The following DMD variants were observed in gnomAD, a reference collection of about 807,000 sequenced individuals.
The protein encoded by DMD is mutant dystrophin.
DMD carries 63 observed loss-of-function variants against 330.1 expected under a neutral mutation model. That is an observed-to-expected ratio of 0.19 (90% confidence interval 0.16 to 0.24). DMD has a LOEUF of 0.24. DMD is among the 10% of genes least tolerant of loss of function. The probability of loss-of-function intolerance (pLI) is 1.00; values close to 1 mark genes in which losing one functional copy is unlikely to be tolerated. For synonymous variants in DMD, 1,223 were observed against 959.8 expected (o/e 1.27, Z -5.07); for missense variants, 3,344 against 2,684.1 (o/e 1.25, Z -5.43).
At chrX:32,395,951 T>G (rs1486749493) in intron 30 of DMD, among the ~76,000 whole-genome samples, 2 of 111,415 alleles carry the variant, frequency 1.8e-5, no homozygotes, top group Non-Finnish European at 1.9e-5. Flanking sequence ...TTATAATTTT[T>G]TTTTTCAAAG....
At chrX:31,613,010 A>C (rs958818890) in intron 55 of DMD, among the ~76,000 whole-genome samples, 2 of 112,167 alleles carry the variant, frequency 1.8e-5, no homozygotes, top group African/African-American at 6.5e-5. Context: ...CCAAGAGTTG[A>C]ATTTTCCAGG....
intron 29 of DMD, among the ~76,000 whole-genome samples, chrX:32,418,376 C>T (rs2098174586): frequency 9.0e-6 from 1 of 111,458 alleles, no homozygotes; most frequent in African/African-American, 3.3e-5. Flanking sequence ...AGATAAAGAA[C>T]TTAAGAAATA....
chrX:33,067,861 A>G (rs1264230534), intron 1 of DMD, among the ~76,000 whole-genome samples: 2 of 111,452 alleles, frequency 1.8e-5, no homozygotes, highest in Non-Finnish European at 3.8e-5. Flanking sequence ...AAGTAAGTAA[A>G]TAAATAAATA....
chrX:32,712,125 T>C (rs965233938), intron 7 of DMD, among the ~76,000 whole-genome samples: 2 of 112,003 alleles, frequency 1.8e-5, no homozygotes, highest in Admixed American at 9.5e-5. Flanking sequence ...CAGTAATGCA[T>C]GTATTCATTT....
intron 1 of DMD, among the ~76,000 whole-genome samples, chrX:33,255,417 A>T (rs2052840695): frequency 9.0e-6 from 1 of 111,336 alleles, no homozygotes; most frequent in Non-Finnish European, 1.9e-5. Context: ...AAGGTACTCC[A>T]GAAATGTTTA....
chrX:31,741,233 C>T (rs1317672970), intron 51 of DMD, among the ~76,000 whole-genome samples: 1 of 111,848 alleles, frequency 8.9e-6, no homozygotes, highest in Non-Finnish European at 1.9e-5. Context: ...GAATTAACTA[C>T]TTCCAAACTC....
At chrX:31,313,041 C>T (rs1444789907) in intron 62 of DMD, among the ~76,000 whole-genome samples, 1 of 105,338 alleles carries the variant, frequency 9.5e-6, no homozygotes, top group African/African-American at 3.5e-5. Context: ...TGTAACAAAC[C>T]TGCACGTTCT....
At chrX:33,174,272 T>A (rs1361216920) in intron 1 of DMD, among the ~76,000 whole-genome samples, 2 of 110,320 alleles carry the variant, frequency 1.8e-5, no homozygotes, top group Non-Finnish European at 3.8e-5. Flanking sequence ...TAAAGGATGG[T>A]GATGAGGAAT....
intron 1 of DMD, among the ~76,000 whole-genome samples, chrX:33,273,360 G>A (rs989569362): frequency 5.3e-5 from 6 of 112,494 alleles, no homozygotes; most frequent in Middle Eastern, 4.7e-3. Flanking sequence ...ATAGTAATCA[G>A]TCAGTGGCAC....
intron 29 of DMD, among the ~76,000 whole-genome samples, chrX:32,424,358 C>A (rs1161080455): frequency 4.5e-5 from 5 of 111,247 alleles, no homozygotes; most frequent in Non-Finnish European, 7.5e-5. Flanking sequence ...CCATTATTAA[C>A]ACACTAAGAA....
intron 60 of DMD, among the ~76,000 whole-genome samples, chrX:31,416,054 G>C (rs1175986645): frequency 1.8e-5 from 2 of 112,238 alleles, no homozygotes; most frequent in Non-Finnish European, 3.8e-5. Context: ...TACAATATCT[G>C]TAATTAATTT....
chrX:33,002,616 A>G (rs1332785903), intron 2 of DMD, among the ~76,000 whole-genome samples: 1 of 110,521 alleles, frequency 9.0e-6, no homozygotes, highest in African/African-American at 3.3e-5. Flanking sequence ...ACTTCTGTGC[A>G]AAGACTGGGC....
intron 44 of DMD, among the ~76,000 whole-genome samples, chrX:32,204,976 A>ATCTCTCTCCCTCTC (rs2097057670): frequency 2.2e-5 from 1 of 45,322 alleles, no homozygotes; most frequent in Non-Finnish European, 4.3e-5. Flanking sequence ...CATCCAAGCC[A>ATCTCTCTCCCTCTC]TCTCTCTCTC....
At chrX:31,842,031 A>T (rs1487731895) in intron 48 of DMD, among the ~76,000 whole-genome samples, 1 of 111,960 alleles carries the variant, frequency 8.9e-6, no homozygotes, top group African/African-American at 3.2e-5. Flanking sequence ...TAAACTGAAA[A>T]TCTTCTGGAA....
At chrX:32,892,499 T>C (rs990623703) in intron 2 of DMD, among the ~76,000 whole-genome samples, 1 of 111,824 alleles carries the variant, frequency 8.9e-6, no homozygotes, top group Non-Finnish European at 1.9e-5. Flanking sequence ...GTTCAAGCGA[T>C]TGTCATGCCT....
At chrX:31,823,765 G>A (rs2092827710) in intron 49 of DMD, among the ~76,000 whole-genome samples, 1 of 110,077 alleles carries the variant, frequency 9.1e-6, no homozygotes, top group African/African-American at 3.3e-5. Flanking sequence ...GTAGAGACGG[G>A]GTTTTGCCAT....
At chrX:33,099,432 C>T (rs1429474190) in intron 1 of DMD, among the ~76,000 whole-genome samples, 2 of 111,011 alleles carry the variant, frequency 1.8e-5, no homozygotes, top group African/African-American at 6.5e-5. Flanking sequence ...TCCCTTAACC[C>T]TACCCACAAC....
chrX:33,286,808 CAGGTGTGGTT>C (rs2053440162), intron 1 of DMD, among the ~76,000 whole-genome samples: 1 of 112,158 alleles, frequency 8.9e-6, no homozygotes, highest in Non-Finnish European at 1.9e-5. Flanking sequence ...TTCTTGCATG[CAGGTGTGGTT>C]ATTTGATTTG....
At chrX:33,026,404 C>T (rs142165990) in intron 1 of DMD, among the ~76,000 whole-genome samples, 3 of 103,374 alleles carry the variant, frequency 2.9e-5, no homozygotes, top group Middle Eastern at 5.3e-3. Context: ...TAAGTTCAGT[C>T]TATTCTCTGC....
Sources: allele counts gnomAD v4.1 joint callset (sites outside exome capture counted in the v4.1 genomes callset), GRCh38; gene constraint gnomAD v4.1.1; transcripts MANE v1.5; gene names NCBI Gene and HGNC (gene_info 2026-07-23, HGNC 2026-07-21).